HERC2: variants seen among roughly 807,000 people sequenced by gnomAD.
The protein encoded by HERC2 is HECT and RLD domain containing E3 ubiquitin protein ligase 2, also known as E3 ubiquitin-protein ligase HERC2.
A neutral mutation model predicts 537.7 loss-of-function variants in HERC2; 102 were observed. The ratio of observed to expected loss-of-function variants is 0.19; its 90% confidence interval spans 0.16 to 0.22. HERC2 has a LOEUF of 0.22. HERC2 is among the 10% of genes least tolerant of loss of function. The probability of loss-of-function intolerance (pLI) is 1.00; values close to 1 mark genes in which losing one functional copy is unlikely to be tolerated. For missense variants in HERC2, 4,236 were observed against 6,198.2 expected, an observed-to-expected ratio of 0.68 and a Z score of 10.63; for synonymous variants, 2,224 against 2,466.2, an observed-to-expected ratio of 0.90 and a Z score of 2.91.
Position 28,229,811 on chromosome 15 carries a change from C to T in HERC2, c.4846G>A (p.Val1616Ile). The change falls in exon 32 of 93, where the codon GTT becomes ATT. Residue 1616 changes from valine (V) to isoleucine (I), a missense_variant. Val to Ile is a conservative substitution (Grantham distance 29, BLOSUM62 3). This residue lies in a region of HERC2 where 343 missense variants were observed against 417.2 expected (regional missense o/e 0.82). Coordinates refer to ENST00000261609, the MANE Select transcript of HERC2 (RefSeq NM_004667.6). ...TGCTTCAACCACTTGTATTTGTGAA[C>T]ACCTGTAACAGTACTCAACAGCGGC... ...WQPLLSTVTG[V>I]HKYKWLKQNV... is the part of the protein sequence containing the mutation. 7.1e-7 allele frequency: 1 copy of T among 1,417,264 alleles called. No homozygotes were observed. The highest frequency in any genetic ancestry group is 1.7e-5 in the Admixed American group (1 of 59,754). The allele number at this position is 1,417,264 out of a possible 1,614,324, so 87.8% of individuals were successfully genotyped here.
chr15:28,225,696 C>CAAAAAAAAAAAAAAAAAAAAA (rs35629645), intron 35 of HERC2, among the ~76,000 whole-genome samples: 2 of 58,822 alleles, frequency 3.4e-5, no homozygotes, highest in African/African-American at 1.2e-4. Context: ...GACTCCGTCT[C>CAAAAAAAAAAAAAAAAAAAAA]AAAAAAAAAA....
intron 20 of HERC2, among the ~76,000 whole-genome samples, chr15:28,254,058 C>T (rs888776215): frequency 1.8e-4 from 27 of 149,892 alleles, no homozygotes; most frequent in African/African-American, 6.4e-4. Context: ...CCAAGGCGGG[C>T]GGATCACCTG....
chr15:28,149,099 G>T (rs1819815347), intron 70 of HERC2, among the ~76,000 whole-genome samples: 1 of 150,686 alleles, frequency 6.6e-6, no homozygotes, highest in Non-Finnish European at 1.5e-5. Flanking sequence ...ACCAAGAACA[G>T]CCACACGAAC....
chr15:28,309,326 G>A (rs2076876901), intron 2 of HERC2, among the ~76,000 whole-genome samples: 1 of 152,084 alleles, frequency 6.6e-6, no homozygotes, highest in African/African-American at 2.4e-5. Context: ...TTTGTTTTAT[G>A]TATCTGGGTG....
Position 28,163,076 on chromosome 15 carries a change from G to T in HERC2, c.10746+18C>A. ...GGAGGAGGTGGAATCAGACGGCCCC[G>T]CCCTCCCTGAGACTCACCTGTGGGT... On this transcript the variant is annotated intron_variant, in intron 69 of 92. Transcript: ENST00000261609. The T allele has an allele frequency of 6.3e-7, 1 of 1,595,830 alleles. No homozygotes were observed.
intron 71 of HERC2, among the ~76,000 whole-genome samples, chr15:28,145,987 T>C (rs1891691221): frequency 6.6e-6 from 1 of 152,174 alleles, no homozygotes; most frequent in South Asian, 2.1e-4. Flanking sequence ...CAGCACCTTC[T>C]GCAACTGTCT....
rs747485531 is a variant in HERC2, at chr15:28,130,296, T to C, written c.12669A>G (p.Lys4223=). 6.2e-7 allele frequency: 1 copy of C among 1,614,098 alleles called. No homozygotes were observed. The highest frequency in any genetic ancestry group is 2.2e-5 in the East Asian group (1 of 44,856). ...CATGGCCCAACCTGTGATAATCGCC[T>C]TTGCCCCTGCACACAAAGGAAGCAT... The part of the protein sequence containing the change: ...TKSGAVYTWG[K]GDYHRLGHGS... The change falls in exon 83 of 93, where the codon AAA becomes AAG. Residue 4223 remains lysine (K), a synonymous_variant. Transcript: ENST00000261609.
intron 5 of HERC2, among the ~76,000 whole-genome samples, chr15:28,276,736 CA>C (rs151294573): frequency 1.1e-4 from 14 of 122,844 alleles, no homozygotes; most frequent in Non-Finnish European, 1.5e-4. Context: ...GACTCTGTCT[CA>C]AAAAAAAAAC....
At chr15:28,269,868 T>G (rs1208914261) in intron 10 of HERC2, among the ~76,000 whole-genome samples, 2 of 152,224 alleles carry the variant, frequency 1.3e-5, no homozygotes, top group Admixed American at 1.3e-4. Flanking sequence ...ACTAGGTGCA[T>G]CCCCACCTGT....
intron 5 of HERC2, among the ~76,000 whole-genome samples, chr15:28,275,873 T>C (rs1220674417): frequency 6.6e-6 from 1 of 152,196 alleles, no homozygotes; most frequent in East Asian, 1.9e-4. Context: ...CTTTATACTA[T>C]ATCATGTTTC....
At position 28,113,303 on chromosome 15, in the gene HERC2, A is replaced by T; in HGVS notation, c.14020-20T>A. ...ACACACCTGCGGGAGGATGTCTGTC[A>T]GGGCCGCGTGATGCTTCCCACCCTG... is the stretch of plus-strand genomic sequence containing the variant. On this transcript the variant is annotated intron_variant, in intron 91 of 92. Transcript: ENST00000261609. The surrounding 1 kb of genome is among the most constrained non-coding windows in gnomAD (Gnocchi z 7.0). 1 of 1,611,226 alleles carries T rather than the reference A, an allele frequency of 6.2e-7. No individual in the cohort carries two copies. The highest frequency in any genetic ancestry group is 8.5e-7 in the Non-Finnish European group (1 of 1,177,574).
chr15:28,214,973 A>C (rs1899728062), intron 39 of HERC2, among the ~76,000 whole-genome samples, 171 bp from the exon 40 acceptor site: 1 of 152,136 alleles, frequency 6.6e-6, no homozygotes, highest in Admixed American at 6.5e-5. Flanking sequence ...TCCCAGGTTC[A>C]AACGATTCTC....
At chr15:28,279,497 GAAAAATGTCTTTAC>G (rs2075965049) in intron 5 of HERC2, among the ~76,000 whole-genome samples, 2 of 152,038 alleles carry the variant, frequency 1.3e-5, no homozygotes, top group Admixed American at 1.3e-4. Flanking sequence ...GTTACTGACA[GAAAAATGTCTTTAC>G]AATAATGACA....
chr15:28,255,619 A>T (rs865903504), intron 19 of HERC2, among the ~76,000 whole-genome samples: 2 of 152,002 alleles, frequency 1.3e-5, no homozygotes, highest in Non-Finnish European at 2.9e-5. Flanking sequence ...CTTTCCGGGT[A>T]ACGGGAATGG....
intron 2 of HERC2, among the ~76,000 whole-genome samples, chr15:28,305,221 G>C (rs2076752597): frequency 6.6e-6 from 1 of 150,828 alleles, no homozygotes; most frequent in Non-Finnish European, 1.5e-5. Context: ...AGTCATTTGG[G>C]TATATACCCA....
intron 2 of HERC2, among the ~76,000 whole-genome samples, chr15:28,301,733 GTGTATATATATATATATATATATATATA>G (rs1179236415): frequency 1.3e-4 from 4 of 30,908 alleles, no homozygotes; most frequent in South Asian, 1.4e-3. Flanking sequence ...TTGTATGTAT[GTGTATATATATATATATATATATATATA>G]TATATATATA....
chr15:28,195,618 G>A (rs777050334), intron 52 of HERC2, among the ~76,000 whole-genome samples: 1 of 151,934 alleles, frequency 6.6e-6, no homozygotes, highest in Non-Finnish European at 1.5e-5. Flanking sequence ...TGAGATGTCT[G>A]GAGTGGTCAT....
At chr15:28,247,765 CTT>C (rs1903868649) in intron 21 of HERC2, among the ~76,000 whole-genome samples, 1 of 152,128 alleles carries the variant, frequency 6.6e-6, no homozygotes, top group Non-Finnish European at 1.5e-5. Context: ...GTCCTTGTGA[CTT>C]TGTCTTTAAG....
Position 28,125,294 on chromosome 15 carries a change from C to T in HERC2, c.12803-101G>A, listed in dbSNP as rs906103568. ...ACACACAGCACCAACGCTCCCTGCC[C>T]TTCAGCTGGTGTTGACCTAGTTGTC... On this transcript the variant is annotated intron_variant, in intron 83 of 92. Transcript: ENST00000261609. 7 of 942,648 alleles carry T rather than the reference C, an allele frequency of 7.4e-6. No individual in the cohort carries two copies. The African/African-American group carries it at 9.7e-5, about 13-fold the overall frequency. The allele number at this position is 942,648 out of a possible 1,614,324, so 58.4% of individuals were successfully genotyped here.
Sources: gnomAD v4.1 joint callset for allele counts (sites outside exome capture counted in the v4.1 genomes callset) on GRCh38, gnomAD v4.1.1 for gene constraint, gnomAD v4.1.1 regional missense constraint, Gnocchi (gnomAD v3.1) non-coding constraint, MANE v1.5 for transcripts, NCBI Gene and HGNC (gene_info 2026-07-23, HGNC 2026-07-21) for gene names.